SLC35A5: variants seen among roughly 807,000 people sequenced by gnomAD.
The protein encoded by SLC35A5 is solute carrier family 35 member A5, also known as UDP-sugar transporter protein SLC35A5.
A neutral mutation model predicts 36.3 loss-of-function variants in SLC35A5; 28 were observed. The observed-to-expected ratio is 0.77, with a 90% CI of 0.57 to 1.06. SLC35A5 has a LOEUF of 1.06. Ranked by LOEUF, SLC35A5 falls within the 50% of genes least tolerant of loss-of-function variation. SLC35A5 has a pLI of 0.00. For synonymous variants in SLC35A5, 180 were observed against 173.7 expected (o/e 1.04, Z -0.29); for missense variants, 521 against 499.3 (o/e 1.04, Z -0.41).
intron 1 of SLC35A5, among the ~76,000 whole-genome samples, chr3:112,562,945 A>T (rs1934000377): frequency 6.6e-6 from 1 of 152,182 alleles, no homozygotes; most frequent in African/African-American, 2.4e-5. Flanking sequence ...TTGTAGTCCC[A>T]GCTATTCTGG....
chr3:112,561,999 G>T, upstream of SLC35A5: 1 of 175,646 alleles, frequency 5.7e-6, no homozygotes, highest in Non-Finnish European at 1.2e-5. Flanking sequence ...AAGGGGCCGG[G>T]CTGGGGCGGG....
rs1033985837 is a variant in SLC35A5, at chr3:112,581,469, C to T, written c.1209+143C>T. On this transcript the variant is annotated intron_variant, in intron 6 of 6. Transcript: ENST00000492406. ...TTTAAAACCGAATCAACAAACATTC[C>T]TTTTACTCCTGATGTTTGCAAGGGC... The T allele has an allele frequency of 5.8e-6, 5 of 862,336 alleles. No individual in the cohort carries two copies. In the African/African-American group the frequency reaches 6.9e-5, roughly 12 times the overall value. The allele number at this position is 862,336 out of a possible 1,614,324, so 53.4% of individuals were successfully genotyped here. A position where few individuals can be genotyped will look rare whatever the true frequency, so the allele number is the denominator to read the frequency against.
Position 112,585,349 on chromosome 3 carries a change from G to A in SLC35A5, c.*2613G>A, listed in dbSNP as rs892184738. ...TCCTTCCTCAACACCTGGGGATTAT[G>A]GGGATTACAATTCAAGATGAGATTT... On this transcript the variant is annotated 3_prime_UTR_variant, in exon 7 of 7. Coordinates refer to ENST00000492406, the MANE Select transcript of SLC35A5 (RefSeq NM_017945.5). 1 of 152,102 alleles carries A rather than the reference G, an allele frequency of 6.6e-6. No homozygotes were observed. The highest frequency in any genetic ancestry group is 1.5e-5 in the Non-Finnish European group (1 of 68,010). 9.4% of individuals were successfully genotyped at this position (152,102 alleles called of 1,614,324 possible).
chr3:112,561,736 C>T (rs755971140), upstream of SLC35A5: 31 of 563,954 alleles, frequency 5.5e-5, no homozygotes, highest in African/African-American at 1.0e-4. Flanking sequence ...GGTGCGCGAT[C>T]CTCGCACCCC....
At chr3:112,568,696 TA>T (rs1169942444) in intron 2 of SLC35A5, among the ~76,000 whole-genome samples, 1 of 152,226 alleles carries the variant, frequency 6.6e-6, no homozygotes, top group Non-Finnish European at 1.5e-5. Context: ...TACCGTGATA[TA>T]AAACAGATTG....
intron 3 of SLC35A5, 42 bp from the exon 4 acceptor site, chr3:112,570,498 G>T: frequency 1.3e-6 from 2 of 1,563,214 alleles, no homozygotes; most frequent in African/African-American, 1.4e-5. Flanking sequence ...TAAAAATGTG[G>T]GCATTCTCAT....
In SLC35A5 at chr3:112,580,613, G is replaced by A. The variant is rs538115028; in HGVS notation, c.496G>A (p.Ala166Thr). The A allele has an allele frequency of 2.5e-6, 4 of 1,614,096 alleles. No homozygotes were observed. Among genetic ancestry groups the A allele is most frequent in the African/African-American group, 1.3e-5 (1 of 75,036 alleles). The change falls in exon 6 of 7, where the codon GCC (alanine) becomes ACC (threonine). Residue 166 changes from alanine to threonine, a missense_variant. Transcript: ENST00000492406. ...TLFLSIVALT[A>T]GTKTLQHNLA... Reference sequence around the variant, plus strand: ...ATTTTTGTCTATTGTGGCCTTGACTGCCGGGACTAAAACTTTACAGCACAA... The same window carrying A: ...ATTTTTGTCTATTGTGGCCTTGACTACCGGGACTAAAACTTTACAGCACAA...
chr3:112,582,559 TTATATC>T (rs1328940296), intron 6 of SLC35A5, 106 bp from the exon 7 acceptor site: 8 of 683,174 alleles, frequency 1.2e-5, no homozygotes, highest in Non-Finnish European at 2.0e-5. Context: ...TTTGACCAGA[TTATATC>T]TATAGCTTAA....
Position 112,581,323 on chromosome 3 carries a change from TG to T in SLC35A5, c.1209+1del, listed in dbSNP as rs759953761. 4 of 1,591,994 alleles carry T rather than the reference TG, an allele frequency of 2.5e-6. No individual in the cohort carries two copies. The African/African-American group carries it at 5.4e-5, about 22-fold the overall frequency. On this transcript the variant is annotated frameshift_variant and splice_region_variant, in exon 6 of 7. Coordinates refer to ENST00000492406, the MANE Select transcript of SLC35A5 (RefSeq NM_017945.5). LOFTEE classifies it high-confidence loss of function. ...LSGNLWERSS[G>X]DGEELERLTK... ...GTGGCAATCTTTGGGAGCGTTCCAGTGGGGTAAGTTTGTGAGGGTGTTCCTT... is the reference window on the plus strand; with the variant it reads ...GTGGCAATCTTTGGGAGCGTTCCAGTGGGTAAGTTTGTGAGGGTGTTCCTT...
At chr3:112,578,186 G>A (rs1284388755) in intron 5 of SLC35A5, among the ~76,000 whole-genome samples, 1 of 151,996 alleles carries the variant, frequency 6.6e-6, no homozygotes, top group Non-Finnish European at 1.5e-5. Flanking sequence ...AAGTTCCTTA[G>A]CTCACCTATA....
rs1162578093 is a variant in SLC35A5, at chr3:112,580,748, A to G, written c.631A>G (p.Thr211Ala). Residue 211 changes from threonine (T) to alanine (A), a missense_variant, in exon 6 of 7, where the codon ACT becomes GCT. Thr to Ala is a moderately conservative substitution (Grantham distance 58). Transcript: ENST00000492406. ...AGACAATTGTACAGCAAAGGAATGG[A>G]CTTTTCCTGAAGCTAAATGGAACAC... ...RKDNCTAKEW[T>A]FPEAKWNTTA... The G allele has an allele frequency of 6.2e-7, 1 of 1,614,184 alleles. No homozygotes were observed. Among genetic ancestry groups the G allele is most frequent in the East Asian group, 2.2e-5 (1 of 44,886 alleles).
chr3:112,582,329 C>G (rs772062163), intron 6 of SLC35A5, among the ~76,000 whole-genome samples: 92 of 152,136 alleles, frequency 6.0e-4, no homozygotes, highest in Non-Finnish European at 1.2e-3. Flanking sequence ...GCCGATAATG[C>G]CATTTGCTCT....
rs1376640476 is a variant in SLC35A5, at chr3:112,580,968, G to T, written c.851G>T (p.Gly284Val). 1.9e-6 allele frequency: 3 copies of T among 1,614,010 alleles called. No homozygotes were observed. The highest frequency in any genetic ancestry group is 2.2e-5 in the East Asian group (1 of 44,898). ...FGILFNGLTL[G>V]LQRSNRDQIK... ...ATTCTGTTTAATGGGCTGACTCTGG[G>T]CCTTCAGAGGAGTAACCGTGATCAG... Residue 284 changes from glycine (G) to valine (V), a missense_variant, in exon 6 of 7, where the codon GGC (glycine) becomes GTC (valine). Coordinates refer to ENST00000492406, the MANE Select transcript of SLC35A5 (RefSeq NM_017945.5).
chr3:112,569,347 C>A (rs1934334908), intron 3 of SLC35A5, 78 bp downstream of exon 3: 1 of 1,103,456 alleles, frequency 9.1e-7, no homozygotes, highest in South Asian at 1.3e-5. Context: ...CATTTTGTAT[C>A]ATTTAGCTTA....
intron 1 of SLC35A5, among the ~76,000 whole-genome samples, 162 bp downstream of exon 1, chr3:112,562,435 T>C (rs1933961584): frequency 6.6e-6 from 1 of 152,172 alleles, no homozygotes; most frequent in Non-Finnish European, 1.5e-5. Flanking sequence ...GTGCGCCCAA[T>C]GGGGCTGTCA....
chr3:112,565,057 T>G lies in SLC35A5; in HGVS notation c.130+1524T>G, dbSNP rs896260937. Among the ~76,000 whole-genome samples the G allele has an allele frequency of 8.5e-5, 13 of 152,280 alleles. No individual in the cohort carries two copies. In the East Asian group the frequency reaches 2.5e-3, roughly 29 times the overall value. On this transcript the variant is annotated intron_variant, in intron 2 of 6. Coordinates refer to ENST00000492406, the MANE Select transcript of SLC35A5 (RefSeq NM_017945.5). ...ATATGACCTTTAATGGTCTACTACT[T>G]GGAGAGTCAGATGTGTACCCAAGTC...
chr3:112,575,588 A>G (rs759197832), intron 5 of SLC35A5, among the ~76,000 whole-genome samples: 4 of 152,022 alleles, frequency 2.6e-5, no homozygotes, highest in Non-Finnish European at 4.4e-5. Context: ...GGTATGAATT[A>G]AAGTTCAAAA....
At chr3:112,561,970 C>T (rs1168982366), upstream of SLC35A5, 1 of 184,668 alleles carries the variant, frequency 5.4e-6, no homozygotes, top group Non-Finnish European at 1.1e-5. Context: ...ACTAGACTCT[C>T]CCGGCACGTG....
chr3:112,561,978 G>T (rs1933915671), upstream of SLC35A5: 2 of 180,344 alleles, frequency 1.1e-5, no homozygotes, highest in South Asian at 2.0e-4. Context: ...CTCCCGGCAC[G>T]TGACGTGAGA....
Sources: allele counts gnomAD v4.1 joint callset (sites outside exome capture counted in the v4.1 genomes callset), GRCh38; gene constraint gnomAD v4.1.1; transcripts MANE v1.5; gene names NCBI Gene and HGNC (gene_info 2026-07-23, HGNC 2026-07-21).